Variants in CHST11 observed in about 807,000 individuals in gnomAD.
CHST11 encodes the protein carbohydrate sulfotransferase 11.
Under a neutral mutation model 30.4 loss-of-function variants are expected in CHST11, and 9 were observed. The observed-to-expected ratio is 0.30, with a 90% CI of 0.18 to 0.52. The LOEUF is 0.52. CHST11 is among the 20% of genes least tolerant of loss of function. The pLI, the probability that CHST11 is intolerant of heterozygous loss-of-function variation, is 0.97. For missense variants in CHST11, 348 were observed against 460.6 expected (o/e 0.76, Z 2.24); for synonymous variants, 152 against 187.8 (o/e 0.81, Z 1.56).
chr12:104,693,616 G>A (rs1330429844), intron 2 of CHST11, among the ~76,000 whole-genome samples: 1 of 152,194 alleles, frequency 6.6e-6, no homozygotes, highest in Non-Finnish European at 1.5e-5. Flanking sequence ...AGCATGCCAA[G>A]TGTCAGGACA....
chr12:104,650,071 G>A (rs1260402683), intron 2 of CHST11, among the ~76,000 whole-genome samples: 1 of 152,240 alleles, frequency 6.6e-6, no homozygotes, highest in Admixed American at 6.5e-5. Flanking sequence ...GAGGGCAGGG[G>A]AGAGGGAGAG....
At chr12:104,716,457 C>T (rs540217752) in intron 2 of CHST11, among the ~76,000 whole-genome samples, 10 of 152,266 alleles carry the variant, frequency 6.6e-5, no homozygotes, top group African/African-American at 2.2e-4. Context: ...GAGAAGTAAA[C>T]GAATTAATAT....
At chr12:104,665,871 C>G (rs1489887460) in intron 2 of CHST11, among the ~76,000 whole-genome samples, 17 of 133,802 alleles carry the variant, frequency 1.3e-4, no homozygotes, top group Admixed American at 5.8e-4. Context: ...CCAGGCTGGA[C>G]CGCAGTGGCG....
At chr12:104,526,011 G>A (rs1337028390) in intron 1 of CHST11, among the ~76,000 whole-genome samples, 2 of 152,116 alleles carry the variant, frequency 1.3e-5, no homozygotes, top group African/African-American at 4.8e-5. Context: ...ACACGAATTA[G>A]ATTTTAGGTT....
At chr12:104,695,002 C>T (rs1445167436) in intron 2 of CHST11, among the ~76,000 whole-genome samples, 4 of 152,184 alleles carry the variant, frequency 2.6e-5, no homozygotes, top group Non-Finnish European at 4.4e-5. Context: ...CAAGAAAGAT[C>T]TGTTGGTCCT....
At chr12:104,500,287 C>T (rs1397626499) in intron 1 of CHST11, among the ~76,000 whole-genome samples, 1 of 152,152 alleles carries the variant, frequency 6.6e-6, no homozygotes, top group Non-Finnish European at 1.5e-5. Flanking sequence ...AGCCTTGGTG[C>T]TTGCGAAGGG....
At chr12:104,593,504 C>T (rs754591847) in intron 1 of CHST11, among the ~76,000 whole-genome samples, 31 of 152,172 alleles carry the variant, frequency 2.0e-4, no homozygotes, top group Non-Finnish European at 4.4e-4. Flanking sequence ...TGAATACAAG[C>T]GTGCTGAATG....
chr12:104,512,193 A>G (rs1408960518), intron 1 of CHST11, among the ~76,000 whole-genome samples: 1 of 152,240 alleles, frequency 6.6e-6, no homozygotes, highest in African/African-American at 2.4e-5. Context: ...ACTGTTAGTG[A>G]GAGATTTAAA....
At chr12:104,692,484 T>C (rs1233494646) in intron 2 of CHST11, among the ~76,000 whole-genome samples, 3 of 152,224 alleles carry the variant, frequency 2.0e-5, no homozygotes, top group Non-Finnish European at 4.4e-5. Flanking sequence ...GAAACTGTTG[T>C]TATTTTACAG....
chr12:104,719,163 C>T (rs945186880), intron 2 of CHST11, among the ~76,000 whole-genome samples: 4 of 152,100 alleles, frequency 2.6e-5, no homozygotes, highest in African/African-American at 7.2e-5. Flanking sequence ...TGGTGACGCC[C>T]GGAAGCAGAC....
At chr12:104,738,518 G>A (rs926466721) in intron 2 of CHST11, among the ~76,000 whole-genome samples, 1 of 152,316 alleles carries the variant, frequency 6.6e-6, no homozygotes. Context: ...CCAGGCAAGG[G>A]CCTGGTCTGG....
intron 2 of CHST11, among the ~76,000 whole-genome samples, chr12:104,639,365 C>A (rs745592491): frequency 5.3e-5 from 8 of 152,152 alleles, no homozygotes; most frequent in Non-Finnish European, 1.5e-5. Flanking sequence ...AACAAATGTC[C>A]ATAAGCTTGT....
rs1565954856 is a variant in CHST11 at position 104,475,683 on chromosome 12, TATATA to T, written c.118+18155_118+18159del. ...TTATATATATATATATATATATATA[TATATA>T]TATTTCTGATTATGAAATTAATTCA... is the stretch of plus-strand genomic sequence containing the variant. On this transcript the variant is annotated intron_variant, in intron 1 of 2. Transcript: ENST00000303694. 3.0e-4 allele frequency among the ~76,000 whole-genome samples: 34 copies of T among 114,184 alleles called. 3 individuals carry two copies. The highest frequency in any genetic ancestry group is 1.1e-3 in the South Asian group (4 of 3,510). 74.9% of individuals were successfully genotyped at this position (114,184 alleles called of 152,430 possible).
chr12:104,604,340 G>A (rs2038983526), intron 2 of CHST11, among the ~76,000 whole-genome samples: 1 of 152,198 alleles, frequency 6.6e-6, no homozygotes, highest in Non-Finnish European at 1.5e-5. Context: ...TCTTGGGCAA[G>A]TTGTCTGGCC....
At chr12:104,525,760 G>A (rs529900640) in intron 1 of CHST11, among the ~76,000 whole-genome samples, 4 of 152,180 alleles carry the variant, frequency 2.6e-5, no homozygotes, top group Non-Finnish European at 4.4e-5. Flanking sequence ...GGTCATTGGA[G>A]GGTTTCTGTG....
chr12:104,492,393 C>G (rs1451101014), intron 1 of CHST11, among the ~76,000 whole-genome samples: 1 of 152,188 alleles, frequency 6.6e-6, no homozygotes, highest in African/African-American at 2.4e-5. Flanking sequence ...GTATCACTCT[C>G]TGAAAATTAG....
At chr12:104,477,063 G>T (rs2037570226) in intron 1 of CHST11, among the ~76,000 whole-genome samples, 1 of 152,120 alleles carries the variant, frequency 6.6e-6, no homozygotes, top group Admixed American at 6.6e-5. Flanking sequence ...GGGATAGGGG[G>T]ATTCATGAAT....
chr12:104,618,944 T>C (rs1189054560), intron 2 of CHST11, among the ~76,000 whole-genome samples: 1 of 152,226 alleles, frequency 6.6e-6, no homozygotes, highest in African/African-American at 2.4e-5. Flanking sequence ...CTTAATTTAC[T>C]GGTCTTTAAG....
intron 2 of CHST11, among the ~76,000 whole-genome samples, chr12:104,673,541 A>G (rs2039715037): frequency 6.6e-6 from 1 of 152,224 alleles, no homozygotes; most frequent in African/African-American, 2.4e-5. Context: ...AAATGAGTTC[A>G]TGTAAGTACA....
Sources: gnomAD v4.1 joint callset for allele counts (sites outside exome capture counted in the v4.1 genomes callset) on GRCh38, gnomAD v4.1.1 for gene constraint, MANE v1.5 for transcripts, NCBI Gene and HGNC (gene_info 2026-07-23, HGNC 2026-07-21) for gene names.